PTOV1: variants seen among roughly 807,000 people sequenced by gnomAD.
The protein encoded by PTOV1 is prostate tumor-overexpressed gene 1 protein.
A neutral mutation model predicts 58.0 loss-of-function variants in PTOV1; 20 were observed. The observed-to-expected ratio is 0.34, with a 90% CI of 0.24 to 0.50. The LOEUF (loss-of-function observed/expected upper bound fraction) is 0.50, where lower values mean the gene tolerates loss of function less well. Ranked by LOEUF, PTOV1 falls within the 20% of genes least tolerant of loss-of-function variation. PTOV1 has a pLI of 0.98. For synonymous variants in PTOV1, 335 were observed against 234.2 expected (o/e 1.43, Z -3.93); for missense variants, 593 against 565.4 (o/e 1.05, Z -0.50).
At chr19:49,854,000 C>T (rs745865567) in intron 1 of PTOV1, among the ~76,000 whole-genome samples, 30 of 152,224 alleles carry the variant, frequency 2.0e-4, no homozygotes, top group Non-Finnish European at 4.1e-4. Context: ...CGCAAGCCGG[C>T]TTGTGCCTGT....
chr19:49,860,429 A>G (rs928845142), exon 12 of PTOV1: 1 of 1,194,528 alleles, frequency 8.4e-7, no homozygotes, highest in South Asian at 1.5e-5. Context: ...GGCCTTGGGG[A>G]GAGCAGAGCA....
exon 12 of PTOV1, chr19:49,860,370 C>T: frequency 1.4e-6 from 2 of 1,423,876 alleles, no homozygotes; most frequent in South Asian, 1.3e-5. Context: ...CAGGAGGGAC[C>T]CTGGGGCATG....
intron 6 of PTOV1, 123 bp downstream of exon 6, chr19:49,857,253 G>A (rs1251002836): frequency 2.9e-6 from 4 of 1,358,110 alleles, no homozygotes; most frequent in Admixed American, 1.9e-5. Context: ...GAGCTGCAGG[G>A]GAGCCCGGAG....
chr19:49,857,668 T>C, intron 6 of PTOV1, 25 bp from the exon 7 acceptor site: 1 of 1,608,506 alleles, frequency 6.2e-7, no homozygotes, highest in Non-Finnish European at 8.5e-7. Flanking sequence ...TGGGCCCCTC[T>C]TCCCACCCCG....
upstream of PTOV1, chr19:49,851,075 C>T (rs1226164542): frequency 2.7e-6 from 4 of 1,460,342 alleles, no homozygotes; most frequent in East Asian, 2.7e-5. Context: ...CCGCCCGGGC[C>T]CCGCTCCCCC....
chr19:49,858,550 C>G (rs777759150), exon 10 of PTOV1: 1 of 1,596,048 alleles, frequency 6.3e-7, no homozygotes, highest in Non-Finnish European at 8.5e-7. Flanking sequence ...TCCCCGCAGA[C>G]CACCCTAGTG....
At chr19:49,851,101 G>C, upstream of PTOV1, 1 of 1,397,988 alleles carries the variant, frequency 7.2e-7, no homozygotes, top group African/African-American at 1.5e-5. Flanking sequence ...GCCTTGGTAC[G>C]CTCCGGCCAC....
intron 2 of PTOV1, 41 bp downstream of exon 2, chr19:49,854,584 T>TCTTGTC: frequency 6.2e-7 from 1 of 1,612,810 alleles, no homozygotes; most frequent in Non-Finnish European, 8.5e-7. Flanking sequence ...CAGGGTCTTG[T>TCTTGTC]CTTGTCCCTG....
exon 12 of PTOV1, chr19:49,860,271 G>C (rs750344710): frequency 1.2e-6 from 2 of 1,613,628 alleles, no homozygotes; most frequent in Non-Finnish European, 8.5e-7. Context: ...GCCGTAGATG[G>C]GGGGGTAGTG....
exon 11 of PTOV1, chr19:49,860,064 A>G (rs1468997226): frequency 1.9e-6 from 3 of 1,614,170 alleles, no homozygotes; most frequent in Admixed American, 1.7e-5. Context: ...AGAGAAGAAA[A>G]TCTTCATTGG....
Position 49,857,275 on chromosome 19 carries a change from G to T in PTOV1, c.714+145G>T, listed in dbSNP as rs578237767. ...AGGGGAGCCCGGAGGATGCCGGGCG[G>T]GTTCCCACCAGGGCTCCATGGAAAA... On this transcript the variant is annotated intron_variant, in intron 6 of 11. Transcript: ENST00000391842. 3.4e-3 allele frequency: 4,085 copies of T among 1,205,390 alleles called. 38 individuals carry two copies. The highest frequency in any genetic ancestry group is 0.027 in the Middle Eastern group (95 of 3,502). The allele number at this position is 1,205,390 out of a possible 1,614,324, so 74.7% of individuals were successfully genotyped here.
chr19:49,850,755 C>A, upstream of PTOV1: 1 of 1,189,346 alleles, frequency 8.4e-7, no homozygotes, highest in Non-Finnish European at 1.2e-6. Flanking sequence ...GGCTCGGGTG[C>A]AATCCGTACC....
exon 12 of PTOV1, chr19:49,860,345 T>C: frequency 1.5e-6 from 2 of 1,331,954 alleles, no homozygotes; most frequent in East Asian, 4.5e-5. Flanking sequence ...TGGTGAGTGG[T>C]GACCCTGTCA....
chr19:49,857,032 C>T, exon 6 of PTOV1: 1 of 1,614,082 alleles, frequency 6.2e-7, no homozygotes, highest in Admixed American at 1.7e-5. Flanking sequence ...GCTCATGCTC[C>T]TGTACTCGTC....
At position 49,856,964 on chromosome 19, in the gene PTOV1, G is replaced by A. The variant is rs775891965; in HGVS notation, c.559-11G>A. On this transcript the variant is annotated splice_polypyrimidine_tract_variant and intron_variant, in intron 5 of 11. Coordinates refer to ENST00000391842, the Ensembl canonical transcript of PTOV1. ...CAGTGACCACAGGGTCCTGACCCGC[G>A]GCCCCCGCAGGCGGGCTGCATGCTG... 3.9e-5 allele frequency: 63 copies of A among 1,612,042 alleles called. No individual in the cohort carries two copies. The highest frequency in any genetic ancestry group is 2.5e-4 in the East Asian group (11 of 44,872).
intron 5 of PTOV1, chr19:49,855,326 G>A (rs905509524): frequency 4.7e-5 from 25 of 535,306 alleles, no homozygotes; most frequent in Non-Finnish European, 7.4e-5. Flanking sequence ...CCCTGGGGGC[G>A]TGAGTGCAGG....
intron 1 of PTOV1, chr19:49,852,138 C>T: frequency 4.6e-5 from 43 of 933,426 alleles, no homozygotes; most frequent in Non-Finnish European, 5.4e-5. Flanking sequence ...TAAGGTTTAC[C>T]TGGGGCTGTA....
chr19:49,860,230 C>T (rs749670787), intron 11 of PTOV1, 38 bp from the exon 12 acceptor site: 18 of 1,613,648 alleles, frequency 1.1e-5, no homozygotes, highest in Non-Finnish European at 1.5e-5. Context: ...TCCACCCCCG[C>T]TGCCTGCTCA....
chr19:49,854,911 C>CCCCCCCCCCTTGG, intron 4 of PTOV1, 23 bp downstream of exon 4: 1 of 1,592,034 alleles, frequency 6.3e-7, no homozygotes. Flanking sequence ...CCTCCCACCC[C>CCCCCCCCCCTTGG]ATCCACTCTG....
Sources: gnomAD v4.1 joint callset for allele counts (sites outside exome capture counted in the v4.1 genomes callset) on GRCh38, gnomAD v4.1.1 for gene constraint, MANE v1.5 for transcripts, NCBI Gene and HGNC (gene_info 2026-07-23, HGNC 2026-07-21) for gene names.